ACKR3: variants seen among roughly 807,000 people sequenced by gnomAD.
The protein encoded by ACKR3 is atypical chemokine receptor 3.
In ACKR3, 6 loss-of-function variants were observed where a neutral mutation model predicts 22.4. The ratio of observed to expected loss-of-function variants is 0.27; its 90% CI spans 0.15 to 0.53. ACKR3 has a LOEUF of 0.53. Among genes scored for constraint, ACKR3 ranks in the 20% least tolerant of loss-of-function variants. The pLI, the probability that ACKR3 is intolerant of heterozygous loss-of-function variation, is 0.96. For missense variants in ACKR3, 396 were observed against 475.2 expected, an observed-to-expected ratio of 0.83 and a Z score of 1.55; for synonymous variants, 209 against 205.2, an observed-to-expected ratio of 1.02 and a Z score of -0.16.
At chr2:236,557,254 GTA>G in the ACKR3 span, among the ~76,000 whole-genome samples, 9,140 of 126,502 alleles carry the variant, frequency 0.072, 862 homozygotes, top group African/African-American at 0.28. Context: ...TCATGTGAAC[GTA>G]TGTGTGTGTG....
Position 236,580,946 on chromosome 2 carries a change from C to G in ACKR3, c.481C>G (p.Arg161Gly). Reference sequence around the variant, plus strand: ...CCCCAGCAGCAGGAAGAAGATGGTACGCCGTGTCGTCTGCATCCTGGTGTG... The same window carrying G: ...CCCCAGCAGCAGGAAGAAGATGGTAGGCCGTGTCGTCTGCATCCTGGTGTG... ...NTPSSRKKMVRRVVCILVWLL... is the reference protein window; with the variant it reads ...NTPSSRKKMVGRVVCILVWLL... Residue 161 changes from arginine to glycine, a missense_variant, in exon 2 of 2, where the codon CGC (arginine) becomes GGC (glycine). Coordinates refer to ENST00000272928, the MANE Select transcript of ACKR3 (RefSeq NM_020311.3). 6.2e-7 allele frequency: 1 copy of G among 1,614,206 alleles called. No individual in the cohort carries two copies. Among genetic ancestry groups the G allele is most frequent in the South Asian group, 1.1e-5 (1 of 91,084 alleles).
chr2:236,552,076 TG>T, the ACKR3 span, among the ~76,000 whole-genome samples: 4 of 152,312 alleles, frequency 2.6e-5, no homozygotes, highest in Non-Finnish European at 1.5e-5. Context: ...ACTTTCTGCC[TG>T]GGTTTCCCAT....
At chr2:236,569,307 C>T (rs1400457462), upstream of ACKR3, among the ~76,000 whole-genome samples, 1 of 152,130 alleles carries the variant, frequency 6.6e-6, no homozygotes, top group African/African-American at 2.4e-5. Flanking sequence ...GGTGTGGCAT[C>T]GATTCATTGG....
upstream of ACKR3, among the ~76,000 whole-genome samples, chr2:236,562,932 A>G (rs760399715): frequency 6.6e-6 from 1 of 152,142 alleles, no homozygotes; most frequent in Non-Finnish European, 1.5e-5. Context: ...GTGCATGAGA[A>G]TTCTGGTGGT....
chr2:236,548,623 G>T, the ACKR3 span, among the ~76,000 whole-genome samples: 57 of 152,210 alleles, frequency 3.7e-4, no homozygotes, highest in African/African-American at 1.3e-3. The surrounding 1 kb of genome is among the most constrained non-coding windows in gnomAD (Gnocchi z 4.3). Flanking sequence ...AATTCAGGAA[G>T]AGGACAGCTG....
upstream of ACKR3, among the ~76,000 whole-genome samples, chr2:236,563,470 G>T (rs181614482): frequency 1.3e-5 from 2 of 152,194 alleles, no homozygotes; most frequent in African/African-American, 4.8e-5. Context: ...GAGTAACTAG[G>T]ATGGGAAGAT....
the ACKR3 span, among the ~76,000 whole-genome samples, chr2:236,556,526 G>C: frequency 8.7e-4 from 133 of 152,226 alleles, no homozygotes; most frequent in Non-Finnish European, 5.6e-4. Context: ...AGGTTGGAGC[G>C]ATTCGAGGAG....
the ACKR3 span, among the ~76,000 whole-genome samples, chr2:236,543,994 CACT>C: frequency 0.079 from 1,780 of 22,528 alleles, 80 homozygotes; most frequent in African/African-American, 0.23. Context: ...TATATATATA[CACT>C]TTTTTTTTTT....
At chr2:236,543,534 C>T in the ACKR3 span, among the ~76,000 whole-genome samples, 5 of 152,056 alleles carry the variant, frequency 3.3e-5, no homozygotes, top group East Asian at 1.9e-4. Context: ...ATTGATATGT[C>T]GTGAGTCCCA....
At chr2:236,545,990 A>AT in the ACKR3 span, among the ~76,000 whole-genome samples, 1 of 152,164 alleles carries the variant, frequency 6.6e-6, no homozygotes, top group Non-Finnish European at 1.5e-5. This position sits in a 1 kb window ranked among gnomAD's most constrained non-coding sequence, Gnocchi z 5.3. Flanking sequence ...ACTACAAAGG[A>AT]GGGGCCACGT....
Position 236,580,436 on chromosome 2 carries a change from A to C in ACKR3, c.-26-4A>C, listed in dbSNP as rs768571088. 1.3e-6 allele frequency: 2 copies of C among 1,588,088 alleles called. No homozygotes were observed. Among genetic ancestry groups the C allele is most frequent in the Admixed American group, 3.4e-5 (2 of 58,464 alleles). On this transcript the variant is annotated splice_polypyrimidine_tract_variant and splice_region_variant and intron_variant, in intron 1 of 1. Transcript: ENST00000272928. ...TCTTTTTTGTTTGCTTGGTTTTCTC[A>C]TAGGTCATTTGATTGCCCGCCTCAG...
rs2106510914 is a variant in ACKR3, at chr2:236,581,606, T to C, written c.*52T>C. 6.4e-7 allele frequency: 1 copy of C among 1,556,376 alleles called. No homozygotes were observed. The highest frequency in any genetic ancestry group is 1.4e-5 in the African/African-American group (1 of 73,102). ...GTTTACTTGTTTTTGAACAGGGTGA[T>C]GGGCCCTATGGTTTTCTAGAGCAAA... On this transcript the variant is annotated 3_prime_UTR_variant, in exon 2 of 2. Coordinates refer to ENST00000272928, the MANE Select transcript of ACKR3 (RefSeq NM_020311.3). This position sits in a 1 kb window ranked among gnomAD's most constrained non-coding sequence, Gnocchi z 4.4.
At chr2:236,545,441 T>C in the ACKR3 span, among the ~76,000 whole-genome samples, 1 of 152,224 alleles carries the variant, frequency 6.6e-6, no homozygotes, top group Non-Finnish European at 1.5e-5. The surrounding 1 kb of genome is among the most constrained non-coding windows in gnomAD (Gnocchi z 5.3). Context: ...TTGACATTTC[T>C]TCCGCATTTG....
chr2:236,571,509 G>A (rs1691307912), intron 1 of ACKR3, among the ~76,000 whole-genome samples: 1 of 151,980 alleles, frequency 6.6e-6, no homozygotes, highest in Non-Finnish European at 1.5e-5. Context: ...ACACACGCAG[G>A]GCTTTGGGGG....
chr2:236,578,086 A>G (rs1325238284), intron 1 of ACKR3, among the ~76,000 whole-genome samples: 10 of 152,250 alleles, frequency 6.6e-5, no homozygotes, highest in Admixed American at 5.9e-4. Context: ...TGGGGAGAGC[A>G]AAGGTGAAAT....
chr2:236,581,349 C>A lies in ACKR3; in HGVS notation c.884C>A (p.Thr295Lys). ...FTCRLEHALF[T>K]ALHVTQCLSL... ...TGCCGGCTGGAGCACGCCCTCTTCACGGCCCTGCATGTCACACAGTGCCTG... is the reference window on the plus strand; with the variant it reads ...TGCCGGCTGGAGCACGCCCTCTTCAAGGCCCTGCATGTCACACAGTGCCTG... The change falls in exon 2 of 2, where the codon ACG becomes AAG. Residue 295 changes from threonine (T) to lysine (K), a missense_variant. Coordinates refer to ENST00000272928, the MANE Select transcript of ACKR3 (RefSeq NM_020311.3). The surrounding 1 kb of genome is among the most constrained non-coding windows in gnomAD (Gnocchi z 4.4). 1 of 1,614,090 alleles carries A rather than the reference C, an allele frequency of 6.2e-7. No individual in the cohort carries two copies. Among genetic ancestry groups the A allele is most frequent in the Non-Finnish European group, 8.5e-7 (1 of 1,180,028 alleles).
upstream of ACKR3, among the ~76,000 whole-genome samples, chr2:236,569,185 G>A (rs557092378): frequency 6.6e-6 from 1 of 152,354 alleles, no homozygotes; most frequent in East Asian, 1.9e-4. Context: ...AGACACTGTA[G>A]AATACTATCT....
At chr2:236,543,941 GTATATATATATATATATATATA>G in the ACKR3 span, among the ~76,000 whole-genome samples, 5,146 of 57,598 alleles carry the variant, frequency 0.089, 380 homozygotes, top group African/African-American at 0.14. Context: ...TGGGAGAAGG[GTATATATATATATATATATATA>G]TATATATATA....
Position 236,581,017 on chromosome 2 carries a change from G to C in ACKR3, c.552G>C (p.Lys184Asn). The change falls in exon 2 of 2, where the codon AAG (lysine) becomes AAC (asparagine). Residue 184 changes from lysine (K) to asparagine (N), a missense_variant. By Grantham distance (94) the Lys-to-Asn change is moderately conservative. Transcript: ENST00000272928. The surrounding 1 kb of genome is among the most constrained non-coding windows in gnomAD (Gnocchi z 4.4). The part of the protein sequence containing the change: ...CVSLPDTYYL[K>N]TVTSASNNET... ...CTCTGCCTGACACCTACTACCTGAA[G>C]ACCGTCACGTCTGCGTCCAACAATG... 1 of 1,614,162 alleles carries C rather than the reference G, an allele frequency of 6.2e-7. No homozygotes were observed. Among genetic ancestry groups the C allele is most frequent in the Non-Finnish European group, 8.5e-7 (1 of 1,180,044 alleles).
Sources: gnomAD v4.1 joint callset for allele counts (sites outside exome capture counted in the v4.1 genomes callset) on GRCh38, gnomAD v4.1.1 for gene constraint, Gnocchi (gnomAD v3.1) non-coding constraint, MANE v1.5 for transcripts, NCBI Gene and HGNC (gene_info 2026-07-23, HGNC 2026-07-21) for gene names.